Variants in RARB observed in about 807,000 individuals in gnomAD.
The protein encoded by RARB is retinoic acid receptor beta, also known as HBV-activated protein.
RARB carries 17 observed loss-of-function variants against 51.9 expected under a neutral mutation model. The ratio of observed to expected loss-of-function variants is 0.33; its 90% CI spans 0.22 to 0.49. RARB has a LOEUF of 0.49. RARB is among the 20% of genes least tolerant of loss of function. RARB has a pLI of 0.99. For synonymous variants in RARB, 215 were observed against 195.4 expected (o/e 1.10, Z -0.84); for missense variants, 369 against 550.8 (o/e 0.67, Z 3.30).
chr3:24,916,400 A>G (rs925393203), intron 2 of RARB, among the ~76,000 whole-genome samples: 1 of 152,176 alleles, frequency 6.6e-6, no homozygotes, highest in Non-Finnish European at 1.5e-5. Flanking sequence ...GCTTTATTCC[A>G]TGGCTGTTCC....
chr3:25,322,368 G>C lies in RARB; in HGVS notation c.179-138825G>C, dbSNP rs550037016. Among the ~76,000 whole-genome samples the C allele has an allele frequency of 2.0e-5, 3 of 152,284 alleles. No individual in the cohort carries two copies. The South Asian group carries it at 6.2e-4, about 32-fold the overall frequency. On this transcript the variant is annotated intron_variant, in intron 5 of 11. Coordinates refer to the RARB transcript ENST00000383772. ...TGGGTCTATTTTATACTTAGGGAGAGAGGACCTTTTTAGGAGTGACATGAA... is the reference window on the plus strand; with the variant it reads ...TGGGTCTATTTTATACTTAGGGAGACAGGACCTTTTTAGGAGTGACATGAA...
At chr3:25,551,931 C>G (rs535900486) in intron 3 of RARB, among the ~76,000 whole-genome samples, 2 of 152,182 alleles carry the variant, frequency 1.3e-5, no homozygotes, top group Admixed American at 1.3e-4. Context: ...CTGCATTCCT[C>G]TTTTTGAAGT....
intron 3 of RARB, among the ~76,000 whole-genome samples, chr3:25,563,750 C>A (rs928462385): frequency 1.3e-5 from 2 of 152,128 alleles, no homozygotes; most frequent in Non-Finnish European, 2.9e-5. Context: ...TACAGGTCAT[C>A]CCCAACTCAT....
intron 2 of RARB, among the ~76,000 whole-genome samples, chr3:25,054,819 T>C (rs377428509): frequency 6.6e-6 from 1 of 152,172 alleles, no homozygotes; most frequent in Non-Finnish European, 1.5e-5. Flanking sequence ...CCACTAGCAA[T>C]ATATTGAAGG....
In RARB at chr3:25,428,805, C is replaced by A. The variant is rs1355259229; in HGVS notation, c.74C>A (p.Ser25Tyr). The A allele has an allele frequency of 6.2e-7, 1 of 1,614,168 alleles. No individual in the cohort carries two copies. Among genetic ancestry groups the A allele is most frequent in the Non-Finnish European group, 8.5e-7 (1 of 1,180,026 alleles). Residue 25 changes from serine to tyrosine, a missense_variant, in exon 1 of 8, where the codon TCC becomes TAC. This residue lies in a region of RARB where 99 missense variants were observed against 95.1 expected (regional missense o/e 1.04). Transcript: ENST00000330688. ...GATTTCTACACTGCGAGTCCGTCTT[C>A]CTGCATGCTCCAGGAGAAAGCTCTC... ...ILDFYTASPS[S>Y]CMLQEKALKA...
chr3:24,876,395 A>G (rs1484217018), intron 2 of RARB, among the ~76,000 whole-genome samples: 1 of 152,102 alleles, frequency 6.6e-6, no homozygotes, highest in Non-Finnish European at 1.5e-5. Context: ...CCTACAATTA[A>G]GAGATGCTCT....
intron 4 of RARB, among the ~76,000 whole-genome samples, chr3:25,173,003 G>A (rs1310970872): frequency 6.6e-6 from 1 of 152,152 alleles, no homozygotes; most frequent in African/African-American, 2.4e-5. Context: ...CTCTATTCTG[G>A]CCTTGAAGTA....
chr3:25,181,422 G>A (rs567791007), intron 5 of RARB, among the ~76,000 whole-genome samples: 2 of 152,164 alleles, frequency 1.3e-5, no homozygotes, highest in African/African-American at 4.8e-5. Context: ...CATCTTTGCG[G>A]AATGATTGAA....
rs1696958441 is a variant in RARB at position 24,993,569 on chromosome 3, T to G, written c.-379-66556T>G. Among the ~76,000 whole-genome samples, 3 of 152,174 alleles carry G rather than the reference T, an allele frequency of 2.0e-5. No homozygotes were observed. In the South Asian group the frequency reaches 6.2e-4, roughly 31 times the overall value. ...CTGGCTATTTGAAATTAAATATTATTAACTATAGTCTTCTTACAGTGGTAT... is the reference window on the plus strand; with the variant it reads ...CTGGCTATTTGAAATTAAATATTATGAACTATAGTCTTCTTACAGTGGTAT... On this transcript the variant is annotated intron_variant, in intron 2 of 11. Transcript: ENST00000383772.
intron 4 of RARB, among the ~76,000 whole-genome samples, chr3:25,570,529 G>A (rs557053221): frequency 1.1e-4 from 16 of 152,186 alleles, no homozygotes; most frequent in African/African-American, 1.7e-4. Flanking sequence ...GCTTCCCAGC[G>A]TTCCACTAGG....
chr3:25,113,297 C>T (rs185799517), intron 3 of RARB, among the ~76,000 whole-genome samples: 39 of 152,176 alleles, frequency 2.6e-4, no homozygotes, highest in African/African-American at 7.7e-4. Context: ...TCTTGGGAGA[C>T]GCTGATAAGG....
chr3:25,109,279 T>C (rs1345498603), intron 3 of RARB, among the ~76,000 whole-genome samples: 1 of 152,164 alleles, frequency 6.6e-6, no homozygotes, highest in African/African-American at 2.4e-5. Flanking sequence ...GACTTAACCT[T>C]TGCATTTTTT....
intron 5 of RARB, among the ~76,000 whole-genome samples, chr3:25,367,199 T>C (rs1407011908): frequency 1.3e-5 from 2 of 152,168 alleles, no homozygotes; most frequent in Non-Finnish European, 2.9e-5. Context: ...ACTTGAAAGA[T>C]TGGGTTTTCA....
intron 5 of RARB, chr3:25,259,857 A>T (rs917110003): frequency 1.1e-5 from 11 of 964,080 alleles, no homozygotes; most frequent in African/African-American, 5.3e-5. Context: ...TTGCTTCCCA[A>T]ATAAGTCAAG....
chr3:25,211,904 G>A (rs754596771), intron 5 of RARB, among the ~76,000 whole-genome samples: 42 of 151,938 alleles, frequency 2.8e-4, no homozygotes, highest in African/African-American at 9.2e-4. Context: ...CTCTTCTTTC[G>A]ATCACTTTCC....
chr3:25,347,292 G>A (rs768467938), intron 5 of RARB, among the ~76,000 whole-genome samples: 8 of 152,302 alleles, frequency 5.3e-5, no homozygotes, highest in African/African-American at 1.4e-4. Flanking sequence ...ATTCAGTAAC[G>A]TAAGTGAAAA....
intron 5 of RARB, among the ~76,000 whole-genome samples, chr3:25,312,906 T>C (rs901914527): frequency 6.6e-6 from 1 of 152,200 alleles, no homozygotes; most frequent in Admixed American, 6.5e-5. Context: ...CAATGATCTG[T>C]ACTTTTCATC....
intron 2 of RARB, among the ~76,000 whole-genome samples, chr3:24,918,551 G>A (rs1400170322): frequency 1.3e-5 from 2 of 152,314 alleles, no homozygotes; most frequent in Non-Finnish European, 2.9e-5. Context: ...GTTATGGTAT[G>A]TTAATAACAT....
chr3:25,499,109 T>C (rs1314644605), intron 2 of RARB, among the ~76,000 whole-genome samples: 1 of 152,188 alleles, frequency 6.6e-6, no homozygotes, highest in African/African-American at 2.4e-5. Flanking sequence ...AAAATATGCT[T>C]ATTTAGACAT....
Sources: gnomAD v4.1 joint callset for allele counts (sites outside exome capture counted in the v4.1 genomes callset) on GRCh38, gnomAD v4.1.1 for gene constraint, gnomAD v4.1.1 regional missense constraint, MANE v1.5 for transcripts, NCBI Gene and HGNC (gene_info 2026-07-23, HGNC 2026-07-21) for gene names.